ESRRB: variants seen among roughly 807,000 people sequenced by gnomAD.
The protein encoded by ESRRB is estrogen related receptor beta, also known as steroid hormone receptor ERR2.
A neutral mutation model predicts 46.0 loss-of-function variants in ESRRB; 16 were observed. That is an observed-to-expected ratio of 0.35 (90% CI 0.24 to 0.53). The LOEUF (loss-of-function observed/expected upper bound fraction) is 0.53, where lower values mean the gene tolerates loss of function less well. Ranked by LOEUF, ESRRB falls within the 20% of genes least tolerant of loss-of-function variation. The pLI, the probability that ESRRB is intolerant of heterozygous loss-of-function variation, is 0.93. For missense variants in ESRRB, 488 were observed against 607.4 expected (o/e 0.80, Z 2.07); for synonymous variants, 246 against 259.6 (o/e 0.95, Z 0.50).
Position 76,482,527 on chromosome 14 carries a change from C to A in ESRRB, c.689-71C>A. On this transcript the variant is annotated intron_variant, in intron 4 of 6. Transcript: ENST00000644823. This position sits in a 1 kb window ranked among gnomAD's most constrained non-coding sequence, Gnocchi z 4.3. The stretch of plus-strand genomic sequence containing the variant: ...TAGGAACCCAACTTTGCTTCCTGAC[C>A]CATCTGAGCCTCCACCCCGGCCCCT... The A allele has an allele frequency of 1.3e-6, 2 of 1,562,220 alleles. No individual in the cohort carries two copies. Among genetic ancestry groups the A allele is most frequent in the African/African-American group, 1.4e-5 (1 of 73,974 alleles).
chr14:76,325,245 T>G (rs1465265856), intron 1 of ESRRB, among the ~76,000 whole-genome samples: 2 of 152,210 alleles, frequency 1.3e-5, no homozygotes, highest in African/African-American at 4.8e-5. Context: ...CGTGAGCCAC[T>G]GCACCCAGCC....
intron 1 of ESRRB, among the ~76,000 whole-genome samples, chr14:76,388,574 A>G (rs997847573): frequency 1.3e-5 from 2 of 151,988 alleles, no homozygotes; most frequent in Admixed American, 6.5e-5. Flanking sequence ...GGAGGGGGAA[A>G]AGACCAAGAC....
intron 2 of ESRRB, among the ~76,000 whole-genome samples, chr14:76,457,102 G>A (rs1025737639): frequency 2.6e-5 from 4 of 152,112 alleles, no homozygotes; most frequent in Admixed American, 2.6e-4. Flanking sequence ...TGATGGGGAT[G>A]ACCCTGGGAT....
chr14:76,343,423 T>C (rs1884214059), intron 1 of ESRRB, among the ~76,000 whole-genome samples: 1 of 152,266 alleles, frequency 6.6e-6, no homozygotes, highest in Admixed American at 6.5e-5. Flanking sequence ...ACTTAGTGTC[T>C]TAAAATATCA....
intron 2 of ESRRB, among the ~76,000 whole-genome samples, chr14:76,447,868 T>A (rs1345251247): frequency 6.6e-6 from 1 of 152,166 alleles, no homozygotes; most frequent in Non-Finnish European, 1.5e-5. Flanking sequence ...TTCTCCCTGC[T>A]GCCAGGCTCG....
chr14:76,352,335 G>T (rs1430789475), intron 1 of ESRRB, among the ~76,000 whole-genome samples: 1 of 152,200 alleles, frequency 6.6e-6, no homozygotes, highest in Non-Finnish European at 1.5e-5. Flanking sequence ...ATCAGAACCT[G>T]TTGGCGGCCA....
intron 3 of ESRRB, among the ~76,000 whole-genome samples, chr14:76,477,319 C>G (rs1889622989): frequency 6.6e-6 from 1 of 152,194 alleles, no homozygotes; most frequent in Non-Finnish European, 1.5e-5. Context: ...AAAGGGAAAC[C>G]AGCATGAGGT....
Position 76,492,552 on chromosome 14 carries a change from A to G in ESRRB, c.1120+836A>G, listed in dbSNP as rs377760563. Reference sequence around the variant, plus strand: ...TCTTATTGTTGCAACCCCATTTTACAGATGTGGAAACTGAGACCTGAAAAA... The same window carrying G: ...TCTTATTGTTGCAACCCCATTTTACGGATGTGGAAACTGAGACCTGAAAAA... On this transcript the variant is annotated intron_variant, in intron 6 of 6. Coordinates refer to ENST00000644823, the MANE Select transcript of ESRRB (RefSeq NM_001379180.1). Among the ~76,000 whole-genome samples, 9 of 152,358 alleles carry G rather than the reference A, an allele frequency of 5.9e-5. No homozygotes were observed. The East Asian group carries it at 9.6e-4, about 16-fold the overall frequency.
At chr14:76,313,035 A>G (rs940663906) in intron 1 of ESRRB, among the ~76,000 whole-genome samples, 2 of 152,170 alleles carry the variant, frequency 1.3e-5, no homozygotes, top group African/African-American at 4.8e-5. Context: ...CAGAGCCTTA[A>G]TGGTCAGACA....
At chr14:76,351,351 T>A (rs1337802403) in intron 1 of ESRRB, among the ~76,000 whole-genome samples, 1 of 149,272 alleles carries the variant, frequency 6.7e-6, no homozygotes, top group Non-Finnish European at 1.5e-5. Context: ...CTGGGGAGGA[T>A]TCTTCCTACG....
In ESRRB at chr14:76,500,211, A is replaced by G; in HGVS notation, c.*1753A>G. The G allele has an allele frequency of 1.5e-6, 1 of 658,742 alleles. No homozygotes were observed. The allele number at this position is 658,742 out of a possible 1,614,324, so 40.8% of individuals were successfully genotyped here. On this transcript the variant is annotated 3_prime_UTR_variant, in exon 7 of 7. Coordinates refer to ENST00000644823, the MANE Select transcript of ESRRB (RefSeq NM_001379180.1). ...GGGCTGGCTGAAATCCACAAACTGC[A>G]GAGCAGCTCTCTGATGGTGTCCCAC...
chr14:76,391,136 TTGTGGTTTCTTGGGA>T (rs1885452980), intron 1 of ESRRB, among the ~76,000 whole-genome samples: 1 of 152,168 alleles, frequency 6.6e-6, no homozygotes, highest in Non-Finnish European at 1.5e-5. Context: ...ATTGGCTGCA[TTGTGGTTTCTTGGGA>T]TGCTACAGGA....
At chr14:76,483,883 T>G (rs1437922620) in intron 5 of ESRRB, among the ~76,000 whole-genome samples, 1 of 152,190 alleles carries the variant, frequency 6.6e-6, no homozygotes, top group African/African-American at 2.4e-5. Context: ...AGACAGAGTC[T>G]TGCTCTGTTA....
intron 2 of ESRRB, among the ~76,000 whole-genome samples, chr14:76,462,161 TGTGGTGGTG>T (rs61608653): frequency 6.6e-5 from 10 of 151,370 alleles, no homozygotes; most frequent in African/African-American, 2.2e-4. Flanking sequence ...TGGAGGAGCC[TGTGGTGGTG>T]GTGGTGGTGG....
chr14:76,483,427 G>A (rs561793638), intron 5 of ESRRB, among the ~76,000 whole-genome samples: 1 of 152,204 alleles, frequency 6.6e-6, no homozygotes, highest in African/African-American at 2.4e-5. Flanking sequence ...GCCTGTCTCT[G>A]GATTGGCTTC....
intron 1 of ESRRB, among the ~76,000 whole-genome samples, chr14:76,428,825 A>G (rs1887310228): frequency 6.6e-6 from 1 of 152,220 alleles, no homozygotes; most frequent in African/African-American, 2.4e-5. Context: ...ATTATTTTCC[A>G]TGCCGTAATT....
intron 2 of ESRRB, among the ~76,000 whole-genome samples, chr14:76,457,784 T>G (rs1339657860): frequency 6.6e-6 from 1 of 152,192 alleles, no homozygotes; most frequent in African/African-American, 2.4e-5. Context: ...GCGATTCTCC[T>G]GCCTCAGCCT....
At chr14:76,447,639 A>G (rs1354288172) in intron 2 of ESRRB, among the ~76,000 whole-genome samples, 1 of 152,050 alleles carries the variant, frequency 6.6e-6, no homozygotes, top group Non-Finnish European at 1.5e-5. Context: ...TGTTCCCAAT[A>G]CAGTGCCTGC....
intron 1 of ESRRB, among the ~76,000 whole-genome samples, chr14:76,411,037 G>C (rs1040098699): frequency 1.3e-5 from 2 of 151,792 alleles, no homozygotes; most frequent in African/African-American, 4.8e-5. Flanking sequence ...GCCTGCTTCA[G>C]CCTCCCAAAG....
Sources: gnomAD v4.1 joint callset for allele counts (sites outside exome capture counted in the v4.1 genomes callset) on GRCh38, gnomAD v4.1.1 for gene constraint, Gnocchi (gnomAD v3.1) non-coding constraint, MANE v1.5 for transcripts, NCBI Gene and HGNC (gene_info 2026-07-23, HGNC 2026-07-21) for gene names.